The following PIGN variants were observed in gnomAD, a reference collection of about 807,000 sequenced individuals.
PIGN encodes the protein phosphatidylinositol glycan anchor biosynthesis class N, also known as GPI ethanolamine phosphate transferase 1.
In PIGN, 117 loss-of-function variants were observed where a neutral mutation model predicts 125.4. That is an observed-to-expected ratio of 0.93 (90% CI 0.80 to 1.09). PIGN has a LOEUF of 1.09. PIGN is among the 50% of genes least tolerant of loss of function. The pLI is 0.00. For missense variants in PIGN, 1,075 were observed against 1,094.9 expected, an observed-to-expected ratio of 0.98 and a Z score of 0.26; for synonymous variants, 392 against 377.8, an observed-to-expected ratio of 1.04 and a Z score of -0.44.
chr18:62,092,597 AAAT>A (rs1368376781), intron 23 of PIGN, among the ~76,000 whole-genome samples: 1 of 152,110 alleles, frequency 6.6e-6, no homozygotes, highest in East Asian at 1.9e-4. Flanking sequence ...AATGCTTCTG[AAAT>A]AATGTTAATT....
intron 3 of PIGN, 28 bp from the exon 4 acceptor site, chr18:62,161,413 G>A: frequency 1.8e-6 from 2 of 1,107,888 alleles, no homozygotes; most frequent in Non-Finnish European, 2.7e-6. Context: ...ATTAAATTGG[G>A]GTAAATCTTA....
At position 62,043,668 on chromosome 18, in the gene PIGN, T is replaced by C. The variant is rs906627662; in HGVS notation, c.*2188A>G. 8 of 152,194 alleles carry C rather than the reference T, an allele frequency of 5.3e-5. No individual in the cohort carries two copies. Among genetic ancestry groups the C allele is most frequent in the African/African-American group, 9.6e-5 (4 of 41,456 alleles). 9.4% of individuals were successfully genotyped at this position (152,194 alleles called of 1,614,324 possible). ...TACACTAAGTATAATAATTAACATA[T>C]TGGAAAATGACAGACAAGCTGCAGC... On this transcript the variant is annotated 3_prime_UTR_variant, in exon 31 of 31. Coordinates refer to ENST00000640252, the MANE Select transcript of PIGN (RefSeq NM_176787.5).
chr18:62,084,979 G>C (rs1021168114), intron 26 of PIGN, among the ~76,000 whole-genome samples: 1 of 152,006 alleles, frequency 6.6e-6, no homozygotes, highest in Non-Finnish European at 1.5e-5. Flanking sequence ...ATGGTGGCGG[G>C]CACCTGTAAT....
Position 62,157,726 on chromosome 18 carries a change from T to C in PIGN, c.304A>G (p.Ile102Val). Residue 102 changes from isoleucine (I) to valine (V), a missense_variant, in exon 5 of 31, where the codon ATA becomes GTA. Physicochemically the swap from Ile to Val is conservative, Grantham distance 29 (BLOSUM62 3). Transcript: ENST00000640252. ...CTGACATCTTCATAAAACCCAGCTA[T>C]CAGAGCTACATGACCTGGCCGAGAT... The part of the protein sequence containing the change: ...TESRPGHVAL[I>V]AGFYEDVSAV... 1 of 1,612,428 alleles carries C rather than the reference T, an allele frequency of 6.2e-7. No homozygotes were observed. The highest frequency in any genetic ancestry group is 1.1e-5 in the South Asian group (1 of 90,638).
At chr18:62,092,130 G>A (rs1482514599) in intron 23 of PIGN, among the ~76,000 whole-genome samples, 1 of 152,094 alleles carries the variant, frequency 6.6e-6, no homozygotes, top group Non-Finnish European at 1.5e-5. Flanking sequence ...TGATATATAA[G>A]ACTTAGAAGG....
At chr18:62,150,340 G>A (rs142772680) in intron 7 of PIGN, among the ~76,000 whole-genome samples, 83 of 152,286 alleles carry the variant, frequency 5.5e-4, no homozygotes, top group Non-Finnish European at 8.5e-4. Context: ...CCAACAAGAC[G>A]TATATTGAAG....
At chr18:62,167,482 A>G (rs1369355515) in intron 1 of PIGN, among the ~76,000 whole-genome samples, 1 of 151,506 alleles carries the variant, frequency 6.6e-6, no homozygotes, top group African/African-American at 2.4e-5. Flanking sequence ...AAATACAAAA[A>G]TTAGCCAGGT....
chr18:62,136,112 A>G (rs1365104339), intron 14 of PIGN: 1 of 152,134 alleles, frequency 6.6e-6, no homozygotes, highest in Non-Finnish European at 1.5e-5. Context: ...ATTCCTCAGA[A>G]CCAATTCCAT....
chr18:62,124,992 CAT>C (rs925355570), intron 14 of PIGN, among the ~76,000 whole-genome samples: 6 of 151,556 alleles, frequency 4.0e-5, no homozygotes, highest in African/African-American at 1.5e-4. Context: ...TGCCAGAGCA[CAT>C]ATCTTACTAA....
chr18:62,019,124 C>A (rs974355151), intron 23 of PIGN, among the ~76,000 whole-genome samples: 2 of 152,084 alleles, frequency 1.3e-5, no homozygotes, highest in Non-Finnish European at 2.9e-5. Context: ...TGGGAGGATC[C>A]CTCAAGTCTA....
chr18:62,101,032 A>C (rs1287743686), intron 22 of PIGN, 43 bp downstream of exon 22: 1 of 971,862 alleles, frequency 1.0e-6, no homozygotes, highest in Non-Finnish European at 1.7e-6. Flanking sequence ...AAAATAACTA[A>C]GTTGATGTCA....
At chr18:62,166,693 C>A (rs192625212) in intron 1 of PIGN, among the ~76,000 whole-genome samples, 1 of 152,220 alleles carries the variant, frequency 6.6e-6, no homozygotes, top group Admixed American at 6.5e-5. Flanking sequence ...GAAAATGTGG[C>A]ATATATACAC....
At chr18:62,091,440 T>C (rs1268511255) in intron 23 of PIGN, among the ~76,000 whole-genome samples, 1 of 152,188 alleles carries the variant, frequency 6.6e-6, no homozygotes, top group African/African-American at 2.4e-5. Context: ...TCTGATACTA[T>C]GTATTAAGAA....
At chr18:62,184,501 T>C (rs2037827294) in intron 1 of PIGN, 1 of 152,174 alleles carries the variant, frequency 6.6e-6, no homozygotes, top group African/African-American at 2.4e-5. Context: ...CTGTGTATTG[T>C]GGAAAAGAAA....
intron 30 of PIGN, among the ~76,000 whole-genome samples, chr18:62,061,511 C>CAAAAAAAAAAA (rs373391589): frequency 6.0e-5 from 2 of 33,238 alleles, no homozygotes; most frequent in East Asian, 9.1e-4. Context: ...GACTCCGTCT[C>CAAAAAAAAAAA]AAAAAAAAAA....
chr18:62,048,695 CT>C lies in PIGN; in HGVS notation c.2673-2717del, dbSNP rs71160810. Among the ~76,000 whole-genome samples, 237 of 139,622 alleles carry C rather than the reference CT, an allele frequency of 1.7e-3. 2 individuals are homozygous for C. The highest frequency in any genetic ancestry group is 9.5e-4 in the Non-Finnish European group (62 of 65,078). 91.6% of individuals were successfully genotyped at this position (139,622 alleles called of 152,430 possible). ...GAATGTCTGAAGGAAGTTTTCTTTTCTTTTTTTTTTTTTATTATTATTATAC... is the reference window on the plus strand; with the variant it reads ...GAATGTCTGAAGGAAGTTTTCTTTTCTTTTTTTTTTTTATTATTATTATAC... On this transcript the variant is annotated intron_variant, in intron 30 of 30. Coordinates refer to ENST00000640252, the MANE Select transcript of PIGN (RefSeq NM_176787.5).
At chr18:62,131,847 T>C (rs62095338) in intron 14 of PIGN, among the ~76,000 whole-genome samples, 36,115 of 151,988 alleles carry the variant, frequency 0.24, 4,543 homozygotes, top group Middle Eastern at 0.38. Flanking sequence ...CTGAACAAGA[T>C]AATGGAAAAA....
At chr18:62,081,337 T>G (rs548008294) in intron 28 of PIGN, among the ~76,000 whole-genome samples, 1 of 152,186 alleles carries the variant, frequency 6.6e-6, no homozygotes, top group South Asian at 2.1e-4. Flanking sequence ...TGTGATGTAT[T>G]AAATAAAGAA....
chr18:62,021,439 A>T (rs944648069), intron 23 of PIGN, among the ~76,000 whole-genome samples: 1 of 152,254 alleles, frequency 6.6e-6, no homozygotes, highest in Admixed American at 6.5e-5. Context: ...ACTCACAGCA[A>T]TAGCAGTAGC....
Sources: gnomAD v4.1 joint callset for allele counts (sites outside exome capture counted in the v4.1 genomes callset) on GRCh38, gnomAD v4.1.1 for gene constraint, MANE v1.5 for transcripts, NCBI Gene and HGNC (gene_info 2026-07-23, HGNC 2026-07-21) for gene names.